The following CPNE8 variants were observed in gnomAD, a reference collection of about 807,000 sequenced individuals.
The protein encoded by CPNE8 is copine-8.
A neutral mutation model predicts 81.5 loss-of-function variants in CPNE8; 45 were observed. That is an observed-to-expected ratio of 0.55 (90% confidence interval 0.44 to 0.71). The LOEUF is 0.71. Ranked by LOEUF, CPNE8 falls within the 30% of genes least tolerant of loss-of-function variation. The probability of loss-of-function intolerance (pLI) is 0.00; values close to 1 mark genes in which losing one functional copy is unlikely to be tolerated. For missense variants in CPNE8, 594 were observed against 672.1 expected, an observed-to-expected ratio of 0.88 and a Z score of 1.28; for synonymous variants, 252 against 226.3, an observed-to-expected ratio of 1.11 and a Z score of -1.02.
intron 5 of CPNE8, among the ~76,000 whole-genome samples, chr12:38,836,438 C>T (rs1019186330): frequency 6.6e-6 from 1 of 151,950 alleles, no homozygotes; most frequent in Admixed American, 6.6e-5. Flanking sequence ...TTTTCCCTAA[C>T]AGTATCAAAA....
chr12:38,719,369 C>T (rs1940492320), intron 13 of CPNE8, among the ~76,000 whole-genome samples: 2 of 151,670 alleles, frequency 1.3e-5, no homozygotes, highest in Admixed American at 1.3e-4. Flanking sequence ...TTTGGGAGGC[C>T]GAGAAGGGCA....
intron 10 of CPNE8, among the ~76,000 whole-genome samples, chr12:38,754,278 A>G (rs1040860627): frequency 8.5e-5 from 13 of 152,174 alleles, no homozygotes; most frequent in African/African-American, 2.9e-4. Flanking sequence ...ACTTTCAAAA[A>G]TCCTGCAAAG....
At chr12:38,808,551 A>G (rs1006337553) in intron 6 of CPNE8, among the ~76,000 whole-genome samples, 3 of 143,156 alleles carry the variant, frequency 2.1e-5, no homozygotes, top group Non-Finnish European at 3.0e-5. Context: ...GGAATTGAAC[A>G]ATGAGAACAC....
At chr12:38,767,070 A>G (rs1316654396) in intron 8 of CPNE8, among the ~76,000 whole-genome samples, 1 of 152,128 alleles carries the variant, frequency 6.6e-6, no homozygotes, top group Non-Finnish European at 1.5e-5. Context: ...TAATAGTACA[A>G]TATGAATCAC....
intron 6 of CPNE8, among the ~76,000 whole-genome samples, 191 bp from the exon 7 acceptor site, chr12:38,776,492 C>G (rs892185394): frequency 2.6e-5 from 4 of 151,266 alleles, no homozygotes; most frequent in African/African-American, 9.7e-5. Flanking sequence ...GTTTTTTTAG[C>G]AGAGATGGGG....
chr12:38,704,908 T>A (rs1940066836), intron 13 of CPNE8, among the ~76,000 whole-genome samples: 1 of 118,832 alleles, frequency 8.4e-6, no homozygotes. Context: ...TTTTAGTGAA[T>A]TAGTTTAGTT....
Position 38,777,173 on chromosome 12 carries a change from G to A in CPNE8, c.408-872C>T, listed in dbSNP as rs1218709077. On this transcript the variant is annotated intron_variant, in intron 6 of 19. Transcript: ENST00000331366. ...TTTTCCAGTGGGACAAGATGTGGAG[G>A]TGGAAGACAGGGATACTGAGGATCC... 3.3e-5 allele frequency among the ~76,000 whole-genome samples: 5 copies of A among 152,096 alleles called. No individual in the cohort carries two copies. In the East Asian group the frequency reaches 7.7e-4, roughly 23 times the overall value.
intron 15 of CPNE8, among the ~76,000 whole-genome samples, chr12:38,690,057 A>C (rs2136666906): frequency 6.6e-6 from 1 of 152,338 alleles, no homozygotes; most frequent in East Asian, 1.9e-4. Flanking sequence ...GTACTGGCCA[A>C]AACTTATACA....
chr12:38,851,586 C>G (rs1457915348), intron 3 of CPNE8, among the ~76,000 whole-genome samples: 1 of 152,208 alleles, frequency 6.6e-6, no homozygotes, highest in Non-Finnish European at 1.5e-5. Flanking sequence ...CTCCCATCAT[C>G]AGCCTAACTC....
rs991095071 is a variant in CPNE8, at chr12:38,685,357, A to C, written c.1271+133T>G. 27 of 897,736 alleles carry C rather than the reference A, an allele frequency of 3.0e-5. No homozygotes were observed. Among genetic ancestry groups the C allele is most frequent in the Non-Finnish European group, 4.2e-5 (25 of 601,104 alleles). 55.6% of individuals were successfully genotyped at this position (897,736 alleles called of 1,614,324 possible). On this transcript the variant is annotated intron_variant, in intron 16 of 19. Coordinates refer to ENST00000331366, the MANE Select transcript of CPNE8 (RefSeq NM_153634.3). Reference sequence around the variant, plus strand: ...TTGATAGAGACTCTTTCTAACATACATTTTTTCCCCACTTTCTTGGAGGTA... The same window carrying C: ...TTGATAGAGACTCTTTCTAACATACCTTTTTTCCCCACTTTCTTGGAGGTA...
intron 13 of CPNE8, among the ~76,000 whole-genome samples, chr12:38,717,429 G>GCATATATA (rs1555147070): frequency 2.3e-5 from 2 of 87,052 alleles, no homozygotes; most frequent in African/African-American, 9.2e-5. Context: ...AAAGTGTGGT[G>GCATATATA]TATATATATA....
At chr12:38,707,464 G>A (rs1017062459) in intron 13 of CPNE8, among the ~76,000 whole-genome samples, 2 of 151,852 alleles carry the variant, frequency 1.3e-5, no homozygotes, top group African/African-American at 4.8e-5. Context: ...GAGAGAGGAG[G>A]GAAGGAAGGT....
intron 6 of CPNE8, among the ~76,000 whole-genome samples, chr12:38,791,475 G>T (rs184449541): frequency 7.9e-5 from 12 of 151,076 alleles, no homozygotes; most frequent in African/African-American, 2.7e-4. Flanking sequence ...TGAAAAAAAG[G>T]AATAAAAATA....
intron 16 of CPNE8, among the ~76,000 whole-genome samples, chr12:38,680,616 A>G (rs921640502): frequency 6.6e-6 from 1 of 152,020 alleles, no homozygotes. Flanking sequence ...TGATCACTCT[A>G]TGTATCTATT....
At chr12:38,727,436 C>T (rs1940729402) in intron 11 of CPNE8, among the ~76,000 whole-genome samples, 1 of 152,040 alleles carries the variant, frequency 6.6e-6, no homozygotes. Context: ...ATTGAAACAC[C>T]ACACTGTACA....
intron 7 of CPNE8, among the ~76,000 whole-genome samples, chr12:38,770,784 C>T (rs962891986): frequency 6.6e-6 from 1 of 152,242 alleles, no homozygotes; most frequent in South Asian, 2.1e-4. Context: ...TATCCTTGGG[C>T]TGGCAAACAC....
At chr12:38,702,953 A>T (rs762519540) in intron 13 of CPNE8, 32 bp from the exon 14 acceptor site, 1 of 1,425,596 alleles carries the variant, frequency 7.0e-7, no homozygotes, top group East Asian at 2.4e-5. Flanking sequence ...CTCATTAATA[A>T]TGAAATAACC....
chr12:38,707,421 TG>T (rs772595294), intron 13 of CPNE8, among the ~76,000 whole-genome samples: 16 of 149,892 alleles, frequency 1.1e-4, no homozygotes, highest in Non-Finnish European at 2.4e-4. Context: ...AATAAAACAA[TG>T]AACTGTAGAA....
rs78275658 is a variant in CPNE8, at chr12:38,725,410, T to C, written c.799-511A>G. Among the ~76,000 whole-genome samples the C allele has an allele frequency of 8.5e-5, 13 of 152,318 alleles. No individual in the cohort carries two copies. In the East Asian group the frequency reaches 2.5e-3, roughly 29 times the overall value. Reference sequence around the variant, plus strand: ...AAAGGTCTGCTTTGTAGACATAAGATTGGCCTTTCGACTATTTGATCCATA... The same window carrying C: ...AAAGGTCTGCTTTGTAGACATAAGACTGGCCTTTCGACTATTTGATCCATA... On this transcript the variant is annotated intron_variant, in intron 11 of 19. Transcript: ENST00000331366.
Sources: allele counts gnomAD v4.1 joint callset (sites outside exome capture counted in the v4.1 genomes callset), GRCh38; gene constraint gnomAD v4.1.1; transcripts MANE v1.5; gene names NCBI Gene and HGNC (gene_info 2026-07-23, HGNC 2026-07-21).